TACC1: variants seen among roughly 807,000 people sequenced by gnomAD.
TACC1 encodes transforming acidic coiled-coil containing protein 1.
Under a neutral mutation model 84.4 loss-of-function variants are expected in TACC1, and 48 were observed. The observed-to-expected ratio is 0.57, with a 90% CI of 0.45 to 0.72. The LOEUF is 0.72. TACC1 is among the 30% of genes least tolerant of loss of function. The pLI, the probability that TACC1 is intolerant of heterozygous loss-of-function variation, is 0.00. For synonymous variants in TACC1, 372 were observed against 376.3 expected (o/e 0.99, Z 0.13); for missense variants, 920 against 973.0 (o/e 0.95, Z 0.72).
Position 38,827,250 on chromosome 8 carries a change from C to T in TACC1, c.1535C>T (p.Thr512Met), listed in dbSNP as rs779534692. The T allele has an allele frequency of 1.8e-5, 29 of 1,614,058 alleles. No individual in the cohort carries two copies. Among genetic ancestry groups the T allele is most frequent in the Non-Finnish European group, 2.4e-5 (28 of 1,180,042 alleles). ...ACTGATGAGGAGAAACTGGCATCCACGTCATGTGGTCAGAAATCAGCTGGT... is the reference window on the plus strand; with the variant it reads ...ACTGATGAGGAGAAACTGGCATCCATGTCATGTGGTCAGAAATCAGCTGGT... ...HATDEEKLAS[T>M]SCGQKSAGAE... Residue 512 changes from threonine to methionine, a missense_variant, in exon 5 of 13, where the codon ACG (threonine) becomes ATG (methionine). Thr to Met is a moderately conservative substitution (Grantham distance 81). Transcript: ENST00000317827.
intron 7 of TACC1, among the ~76,000 whole-genome samples, chr8:38,837,522 G>A (rs1009515200): frequency 3.3e-5 from 5 of 152,156 alleles, no homozygotes; most frequent in African/African-American, 7.2e-5. Flanking sequence ...AACTCCTAGG[G>A]TCAAGCGATC....
intron 9 of TACC1, among the ~76,000 whole-genome samples, chr8:38,840,883 C>T (rs551976411): frequency 1.7e-4 from 26 of 152,228 alleles, no homozygotes; most frequent in African/African-American, 6.0e-4. Context: ...AACCCCGTCT[C>T]TACTAATAAT....
intron 7 of TACC1, 42 bp downstream of exon 7, chr8:38,836,329 T>C (rs1830228367): frequency 6.3e-7 from 1 of 1,591,680 alleles, no homozygotes; most frequent in Non-Finnish European, 8.5e-7. Flanking sequence ...CTCCATTTCT[T>C]TGTAAGGCCC....
At chr8:38,819,437 A>G in intron 2 of TACC1, 85 bp from the exon 3 acceptor site, 1 of 1,415,676 alleles carries the variant, frequency 7.1e-7, no homozygotes, top group African/African-American at 1.4e-5. Flanking sequence ...AGAACTTGCT[A>G]TTTGTTTATA....
intron 1 of TACC1, 22 bp from the exon 2 acceptor site, chr8:38,788,682 C>A (rs1009207903): frequency 6.4e-7 from 1 of 1,558,928 alleles, no homozygotes. Context: ...AGTGGTAATT[C>A]CTCATTTTTC....
intron 3 of TACC1, among the ~76,000 whole-genome samples, chr8:38,750,676 C>T (rs1186030815): frequency 1.3e-5 from 2 of 152,180 alleles, no homozygotes; most frequent in African/African-American, 4.8e-5. Context: ...CACATACTAG[C>T]AACTAACATT....
At chr8:38,734,262 G>A (rs896801779) in intron 1 of TACC1, among the ~76,000 whole-genome samples, 1 of 152,040 alleles carries the variant, frequency 6.6e-6, no homozygotes, top group Admixed American at 6.5e-5. Flanking sequence ...GTGTGATCTC[G>A]ACTCACTGCA....
At chr8:38,773,706 T>C (rs1340376415) in intron 3 of TACC1, among the ~76,000 whole-genome samples, 1 of 152,016 alleles carries the variant, frequency 6.6e-6, no homozygotes, top group Non-Finnish European at 1.5e-5. Context: ...AGTCATCAAA[T>C]ATTGAGCAGA....
At chr8:38,757,247 C>A (rs1810251688) in intron 3 of TACC1, 4 of 1,077,696 alleles carry the variant, frequency 3.7e-6, no homozygotes, top group Non-Finnish European at 4.6e-6. Flanking sequence ...CTTCCTCCCG[C>A]CCCACCGCCT....
At chr8:38,829,644 C>T (rs558807409) in intron 5 of TACC1, among the ~76,000 whole-genome samples, 4 of 152,278 alleles carry the variant, frequency 2.6e-5, no homozygotes, top group South Asian at 4.1e-4. Flanking sequence ...CTTTGAGTCA[C>T]CTTTGACACA....
At chr8:38,754,531 A>G (rs1809650003) in intron 3 of TACC1, among the ~76,000 whole-genome samples, 2 of 152,214 alleles carry the variant, frequency 1.3e-5, no homozygotes, top group South Asian at 4.1e-4. Context: ...TCACATTGCC[A>G]TAGTGTTCCA....
intron 3 of TACC1, among the ~76,000 whole-genome samples, chr8:38,766,988 G>A (rs757875969): frequency 1.3e-5 from 2 of 152,116 alleles, no homozygotes; most frequent in Non-Finnish European, 1.5e-5. Flanking sequence ...AGAAAACATC[G>A]CCCAGCCCAT....
At chr8:38,810,229 T>C (rs1823760386) in intron 2 of TACC1, among the ~76,000 whole-genome samples, 1 of 152,172 alleles carries the variant, frequency 6.6e-6, no homozygotes, top group Non-Finnish European at 1.5e-5. Context: ...ATAATATTAC[T>C]CTTTTAATTT....
At chr8:38,756,243 G>A (rs956660390) in intron 3 of TACC1, among the ~76,000 whole-genome samples, 8 of 152,014 alleles carry the variant, frequency 5.3e-5, no homozygotes, top group African/African-American at 1.7e-4. Context: ...AATTGTGAGC[G>A]CCCACTGTGT....
chr8:38,821,441 A>G (rs1826795405), intron 3 of TACC1, among the ~76,000 whole-genome samples: 1 of 152,228 alleles, frequency 6.6e-6, no homozygotes. Context: ...ATAAACAGAA[A>G]GCTGTGATTT....
chr8:38,809,020 G>T (rs1823426544), intron 2 of TACC1, among the ~76,000 whole-genome samples: 1 of 151,962 alleles, frequency 6.6e-6, no homozygotes. Context: ...CACCTGCCCC[G>T]AGCTGGCCAA....
chr8:38,759,883 T>C (rs1241280403), intron 3 of TACC1, among the ~76,000 whole-genome samples: 1 of 152,234 alleles, frequency 6.6e-6, no homozygotes, highest in Non-Finnish European at 1.5e-5. Context: ...AAGCGACAAG[T>C]CTCTCCAGGA....
chr8:38,808,653 A>C (rs1823325856), intron 2 of TACC1, among the ~76,000 whole-genome samples: 1 of 152,176 alleles, frequency 6.6e-6, no homozygotes, highest in Admixed American at 6.5e-5. Flanking sequence ...GGGCTCAAGG[A>C]ACACCCCCTA....
At chr8:38,767,505 T>C (rs1383756637) in intron 3 of TACC1, among the ~76,000 whole-genome samples, 1 of 152,184 alleles carries the variant, frequency 6.6e-6, no homozygotes, top group Non-Finnish European at 1.5e-5. Flanking sequence ...ATTTCAGGAA[T>C]AGCTGGCAAT....
Sources: allele counts gnomAD v4.1 joint callset (sites outside exome capture counted in the v4.1 genomes callset), GRCh38; gene constraint gnomAD v4.1.1; transcripts MANE v1.5; gene names NCBI Gene and HGNC (gene_info 2026-07-23, HGNC 2026-07-21).